The following FMN1 variants were observed in gnomAD, a reference collection of about 807,000 sequenced individuals.
FMN1 encodes formin 1, also known as formin-1.
In FMN1, 110 loss-of-function variants were observed where a neutral mutation model predicts 132.4. That is an observed-to-expected ratio of 0.83 (90% confidence interval 0.71 to 0.97). FMN1 has a LOEUF of 0.97. Ranked by LOEUF, FMN1 falls within the 50% of genes least tolerant of loss-of-function variation. FMN1 has a pLI of 0.00. For missense variants in FMN1, 1,792 were observed against 1,705.3 expected (o/e 1.05, Z -0.90); for synonymous variants, 722 against 651.7 (o/e 1.11, Z -1.64).
intron 6 of FMN1, among the ~76,000 whole-genome samples, chr15:33,025,980 A>C (rs1322062294): frequency 6.6e-6 from 1 of 152,180 alleles, no homozygotes; most frequent in Non-Finnish European, 1.5e-5. Context: ...GAGATGTAAG[A>C]ATTGGAAAAG....
At chr15:32,801,070 T>TG (rs1216068614) in intron 18 of FMN1, among the ~76,000 whole-genome samples, 3 of 152,244 alleles carry the variant, frequency 2.0e-5, no homozygotes, top group Non-Finnish European at 2.9e-5. Flanking sequence ...ATGGAACACC[T>TG]GACACCTCTG....
chr15:33,080,360 T>C (rs2038402238), intron 5 of FMN1, among the ~76,000 whole-genome samples: 1 of 152,214 alleles, frequency 6.6e-6, no homozygotes, highest in African/African-American at 2.4e-5. Context: ...ACTGAGTGCC[T>C]ACATTTTAAA....
chr15:32,912,824 C>T (rs1286044149), intron 10 of FMN1, among the ~76,000 whole-genome samples: 3 of 152,162 alleles, frequency 2.0e-5, no homozygotes, highest in East Asian at 3.9e-4. Context: ...TTCTGAGCTT[C>T]AGCATATCTA....
At chr15:32,796,885 G>A (rs757374549) in intron 19 of FMN1, among the ~76,000 whole-genome samples, 1 of 152,182 alleles carries the variant, frequency 6.6e-6, no homozygotes, top group Non-Finnish European at 1.5e-5. Context: ...CAGAGATGTT[G>A]TTTTAGGGTA....
intron 17 of FMN1, among the ~76,000 whole-genome samples, chr15:32,809,058 A>G (rs2057781321): frequency 6.6e-6 from 1 of 152,232 alleles, no homozygotes; most frequent in East Asian, 1.9e-4. Context: ...AGAAAGAGAA[A>G]AACTTATTTA....
At chr15:32,933,177 TTGTTTC>T (rs2140395721) in intron 9 of FMN1, among the ~76,000 whole-genome samples, 1 of 152,294 alleles carries the variant, frequency 6.6e-6, no homozygotes, top group South Asian at 2.1e-4. Flanking sequence ...TGTTGTATTT[TTGTTTC>T]TGTTTGTCAC....
At chr15:32,960,849 G>A (rs1020533533) in intron 9 of FMN1, among the ~76,000 whole-genome samples, 7 of 151,692 alleles carry the variant, frequency 4.6e-5, no homozygotes, top group African/African-American at 1.7e-4. Context: ...TACAAAATTA[G>A]CCGGGCATGG....
chr15:32,771,400 A>G lies in FMN1; in HGVS notation c.*2910T>C, dbSNP rs768232148. On this transcript the variant is annotated 3_prime_UTR_variant, in exon 21 of 21. Coordinates refer to ENST00000616417, the MANE Select transcript of FMN1 (RefSeq NM_001277313.2). The stretch of plus-strand genomic sequence containing the variant: ...GGCCCGGGCCTGATGCTTTTTACCT[A>G]ACGTGTCTGTAGTGTAATTTATGAT... 1 of 152,034 alleles carries G rather than the reference A, an allele frequency of 6.6e-6. No individual in the cohort carries two copies. The highest frequency in any genetic ancestry group is 2.4e-5 in the African/African-American group (1 of 41,398). 9.4% of individuals were successfully genotyped at this position (152,034 alleles called of 1,614,324 possible).
At chr15:32,971,566 C>G (rs2031796878) in intron 7 of FMN1, among the ~76,000 whole-genome samples, 1 of 152,178 alleles carries the variant, frequency 6.6e-6, no homozygotes, top group Non-Finnish European at 1.5e-5. Context: ...GATTACCACC[C>G]TGAATTACCC....
chr15:33,049,368 C>T (rs146102473), intron 6 of FMN1, among the ~76,000 whole-genome samples: 1 of 152,154 alleles, frequency 6.6e-6, no homozygotes, highest in African/African-American at 2.4e-5. Flanking sequence ...AGCTCCTAGA[C>T]CAGAACAGAC....
intron 9 of FMN1, among the ~76,000 whole-genome samples, chr15:32,953,092 G>C (rs2061689319): frequency 6.6e-6 from 1 of 152,130 alleles, no homozygotes. Flanking sequence ...AGCATGATTT[G>C]ATTCACCCGC....
intron 2 of FMN1, among the ~76,000 whole-genome samples, chr15:33,185,147 A>G (rs1003144565): frequency 2.4e-4 from 37 of 152,234 alleles, no homozygotes; most frequent in Admixed American, 8.5e-4. Context: ...GACAAACTAG[A>G]GTAATCCAGT....
chr15:33,065,022 G>T lies in FMN1; in HGVS notation c.2096C>A (p.Ala699Asp). The T allele has an allele frequency of 6.2e-7, 1 of 1,611,926 alleles. No homozygotes were observed. Among genetic ancestry groups the T allele is most frequent in the Non-Finnish European group, 8.5e-7 (1 of 1,179,024 alleles). ...TTTTGTCTTTGGGGGTGGCCAGACA[G>T]CTTGAAGTCTGCCAGGAGTCCTGTC... is the stretch of plus-strand genomic sequence containing the variant. ...QDDRTPGRLQ[A>D]VWPPPKTKDT... The change falls in exon 6 of 21, where the codon GCT becomes GAT. Residue 699 changes from alanine to aspartate, a missense_variant. By Grantham distance (126) the Ala-to-Asp change is moderately radical. Coordinates refer to ENST00000616417, the MANE Select transcript of FMN1 (RefSeq NM_001277313.2).
chr15:33,125,258 G>A (rs1352056570), intron 4 of FMN1, among the ~76,000 whole-genome samples: 4 of 152,140 alleles, frequency 2.6e-5, no homozygotes, highest in South Asian at 2.1e-4. Flanking sequence ...CTCTCTCAAA[G>A]ACTCTTGTAA....
Position 33,154,461 on chromosome 15 carries a change from T to G in FMN1, c.454A>C (p.Ser152Arg). The stretch of plus-strand genomic sequence containing the variant: ...CGAGGCTTTTTGTTCCCGTGGGTGC[T>G]CCTCTTATTGAGAGGGCCCACGGGG... ...ELPVGPLNKR[S>R]THGNKKPRRS... The change falls in exon 4 of 21, where the codon AGC (serine) becomes CGC (arginine). Residue 152 changes from serine to arginine, a missense_variant. Ser to Arg is a moderately radical substitution (Grantham distance 110). Coordinates refer to ENST00000616417, the MANE Select transcript of FMN1 (RefSeq NM_001277313.2). The G allele has an allele frequency of 6.5e-7, 1 of 1,536,002 alleles. No individual in the cohort carries two copies. Among genetic ancestry groups the G allele is most frequent in the Non-Finnish European group, 8.7e-7 (1 of 1,146,890 alleles).
intron 5 of FMN1, among the ~76,000 whole-genome samples, chr15:33,086,013 A>G (rs186454241): frequency 2.0e-5 from 3 of 152,270 alleles, no homozygotes; most frequent in Admixed American, 2.0e-4. Context: ...GCACTTTGAG[A>G]GGCTGAGGCA....
chr15:33,181,420 G>A (rs539415003), intron 2 of FMN1, among the ~76,000 whole-genome samples: 5 of 152,208 alleles, frequency 3.3e-5, no homozygotes, highest in East Asian at 1.9e-4. Flanking sequence ...TGCTGTTGGC[G>A]CCCACCATAT....
chr15:32,812,698 G>A (rs2057923582), intron 17 of FMN1, among the ~76,000 whole-genome samples: 1 of 152,150 alleles, frequency 6.6e-6, no homozygotes, highest in South Asian at 2.1e-4. Context: ...TTGCATTTTG[G>A]ATTTTCAGAT....
chr15:33,100,384 G>A (rs1016146834), intron 4 of FMN1, among the ~76,000 whole-genome samples: 2 of 152,178 alleles, frequency 1.3e-5, no homozygotes, highest in African/African-American at 4.8e-5. Flanking sequence ...TGGTAAAGGA[G>A]TAAATTGGTC....
Sources: allele counts gnomAD v4.1 joint callset (sites outside exome capture counted in the v4.1 genomes callset), GRCh38; gene constraint gnomAD v4.1.1; transcripts MANE v1.5; gene names NCBI Gene and HGNC (gene_info 2026-07-23, HGNC 2026-07-21).